FYN: variants seen among roughly 807,000 people sequenced by gnomAD.
The protein encoded by FYN is FYN proto-oncogene, Src family tyrosine kinase.
Under a neutral mutation model 70.2 loss-of-function variants are expected in FYN, and 10 were observed. The observed-to-expected ratio is 0.14, with a 90% confidence interval of 0.09 to 0.24. FYN has a LOEUF of 0.24. FYN is among the 10% of genes least tolerant of loss of function. FYN has a pLI of 1.00. For synonymous variants in FYN, 236 were observed against 248.6 expected (o/e 0.95, Z 0.48); for missense variants, 319 against 673.1 (o/e 0.47, Z 5.82).
At chr6:111,760,720 A>G (rs1802970007) in intron 3 of FYN, among the ~76,000 whole-genome samples, 1 of 152,242 alleles carries the variant, frequency 6.6e-6, no homozygotes, top group South Asian at 2.1e-4. Context: ...GACTGGAGAC[A>G]TAGGCACCCA....
At chr6:111,711,274 GA>G (rs1043861832) in intron 5 of FYN, among the ~76,000 whole-genome samples, 17 of 145,740 alleles carry the variant, frequency 1.2e-4, no homozygotes, top group Non-Finnish European at 1.8e-4. Context: ...ATCACAATAG[GA>G]AAAAAAAAAC....
chr6:111,783,147 C>T (rs1583439972), intron 2 of FYN, among the ~76,000 whole-genome samples: 1 of 152,216 alleles, frequency 6.6e-6, no homozygotes, highest in Non-Finnish European at 1.5e-5. Context: ...TTGTCAAGCA[C>T]AACAAAATAA....
intron 2 of FYN, among the ~76,000 whole-genome samples, chr6:111,782,631 T>C (rs1771217742): frequency 6.6e-6 from 1 of 152,220 alleles, no homozygotes; most frequent in African/African-American, 2.4e-5. Context: ...AGAGGGCGCC[T>C]GTGTGACACA....
chr6:111,724,792 G>A (rs1428649093), intron 3 of FYN, among the ~76,000 whole-genome samples: 1 of 152,206 alleles, frequency 6.6e-6, no homozygotes, highest in Non-Finnish European at 1.5e-5. Context: ...GCCTCCAGCA[G>A]ACTTTGGAGA....
In FYN at chr6:111,696,332, G is replaced by C. The variant is rs538068390; in HGVS notation, c.987C>G (p.Leu329=). 5.5e-5 allele frequency: 88 copies of C among 1,613,910 alleles called. 1 individual carries two copies. The South Asian group carries it at 8.4e-4, about 15-fold the overall frequency. The part of the protein sequence containing the change: ...KKLKHDKLVQ[L]YAVVSEEPIY... ...TGGGCTCCTCAGACACCACTGCATAGAGCTGGACCAGCTTGTCGTGCTTCA... is the reference window on the plus strand; with the variant it reads ...TGGGCTCCTCAGACACCACTGCATACAGCTGGACCAGCTTGTCGTGCTTCA... Residue 329 remains leucine (L), a synonymous_variant, in exon 10 of 14, where the codon CTC becomes CTG. Coordinates refer to ENST00000354650, the MANE Select transcript of FYN (RefSeq NM_002037.5).
intron 2 of FYN, among the ~76,000 whole-genome samples, chr6:111,818,308 G>A (rs894196088): frequency 1.3e-5 from 2 of 152,110 alleles, no homozygotes; most frequent in African/African-American, 2.4e-5. Context: ...CCAGGTGGGC[G>A]CTGAGCACAG....
intron 2 of FYN, among the ~76,000 whole-genome samples, chr6:111,836,212 C>A (rs1243803795): frequency 6.6e-6 from 1 of 152,104 alleles, no homozygotes; most frequent in Non-Finnish European, 1.5e-5. Context: ...TCTGAGGTGG[C>A]CAATTCCTCC....
intron 2 of FYN, among the ~76,000 whole-genome samples, chr6:111,831,355 G>A (rs528974009): frequency 2.2e-4 from 34 of 152,224 alleles, no homozygotes; most frequent in African/African-American, 3.6e-4. Context: ...CAAAGACTCC[G>A]ACTGACATTG....
At chr6:111,869,893 AAAGT>A (rs1207786636) in intron 1 of FYN, among the ~76,000 whole-genome samples, 4 of 152,256 alleles carry the variant, frequency 2.6e-5, no homozygotes, top group Non-Finnish European at 4.4e-5. Context: ...AACATGACAA[AAAGT>A]AAGATTTTTG....
chr6:111,809,901 C>T (rs1020239067), intron 2 of FYN, among the ~76,000 whole-genome samples: 1 of 152,108 alleles, frequency 6.6e-6, no homozygotes, highest in Admixed American at 6.6e-5. Context: ...ATACAAATGA[C>T]TAAAGTGTGG....
chr6:111,678,915 G>C (rs534331540), intron 12 of FYN, among the ~76,000 whole-genome samples: 8 of 152,128 alleles, frequency 5.3e-5, no homozygotes, highest in Non-Finnish European at 7.3e-5. Flanking sequence ...ATTACATCCT[G>C]ACCATTTCAT....
chr6:111,791,401 G>A (rs970764571), intron 2 of FYN, among the ~76,000 whole-genome samples: 3 of 152,172 alleles, frequency 2.0e-5, no homozygotes, highest in African/African-American at 7.2e-5. Flanking sequence ...CCCCCAAAAA[G>A]ATATGAAGTT....
chr6:111,805,842 G>A (rs575126311), intron 2 of FYN, among the ~76,000 whole-genome samples: 113 of 152,264 alleles, frequency 7.4e-4, no homozygotes, highest in Non-Finnish European at 1.2e-3. Flanking sequence ...ATTACAGGCC[G>A]TGTAAAAGTT....
At chr6:111,862,157 T>A (rs1166514666) in intron 1 of FYN, among the ~76,000 whole-genome samples, 1 of 152,210 alleles carries the variant, frequency 6.6e-6, no homozygotes, top group Non-Finnish European at 1.5e-5. Flanking sequence ...TCCAATTTCC[T>A]CTAGATTTTG....
chr6:111,683,517 C>G (rs1024469460), intron 12 of FYN, among the ~76,000 whole-genome samples: 5 of 152,136 alleles, frequency 3.3e-5, no homozygotes, highest in Admixed American at 6.5e-5. Context: ...ATAAAAGAAG[C>G]CAAATCCTTC....
chr6:111,806,549 T>C (rs1772156109), intron 2 of FYN, among the ~76,000 whole-genome samples: 1 of 152,184 alleles, frequency 6.6e-6, no homozygotes, highest in African/African-American at 2.4e-5. Context: ...TCACAAAATG[T>C]GGCAAAACAG....
chr6:111,745,220 G>A (rs576341262), intron 3 of FYN, among the ~76,000 whole-genome samples: 4 of 152,248 alleles, frequency 2.6e-5, no homozygotes, highest in East Asian at 1.9e-4. Context: ...AAATACAGAC[G>A]CGAATGCCAT....
chr6:111,718,020 G>A (rs1800749226), intron 4 of FYN, among the ~76,000 whole-genome samples: 1 of 152,144 alleles, frequency 6.6e-6, no homozygotes, highest in Non-Finnish European at 1.5e-5. Context: ...CAAAAATGTG[G>A]GTGCCCGTAA....
chr6:111,777,443 A>G (rs1483386855), intron 3 of FYN, among the ~76,000 whole-genome samples: 1 of 152,228 alleles, frequency 6.6e-6, no homozygotes, highest in East Asian at 1.9e-4. Context: ...TCAGCTTGGT[A>G]TTACTGAGAT....
Sources: allele counts gnomAD v4.1 joint callset (sites outside exome capture counted in the v4.1 genomes callset), GRCh38; gene constraint gnomAD v4.1.1; transcripts MANE v1.5; gene names NCBI Gene and HGNC (gene_info 2026-07-23, HGNC 2026-07-21).